TLN2: variants seen among roughly 807,000 people sequenced by gnomAD.
TLN2 encodes talin-2.
In TLN2, 118 loss-of-function variants were observed where a neutral mutation model predicts 294.7. That is an observed-to-expected ratio of 0.40 (90% CI 0.34 to 0.47). TLN2 has a LOEUF of 0.47. Among genes scored for constraint, TLN2 ranks in the 20% least tolerant of loss-of-function variants. The pLI is 0.84. For missense variants in TLN2, 3,083 were observed against 3,282.2 expected (o/e 0.94, Z 1.48); for synonymous variants, 1,431 against 1,304.5 (o/e 1.10, Z -2.09).
intron 45 of TLN2, among the ~76,000 whole-genome samples, chr15:62,787,252 A>C (rs2064738817): frequency 6.6e-6 from 1 of 152,156 alleles, no homozygotes; most frequent in Non-Finnish European, 1.5e-5. Context: ...TGCCTTTTCA[A>C]CTTTCACAAG....
rs140625492 is a variant in TLN2 at position 62,755,655 on chromosome 15, G to A, written c.4600G>A (p.Val1534Ile). 6 of 1,614,142 alleles carry A rather than the reference G, an allele frequency of 3.7e-6. No individual in the cohort carries two copies. The African/African-American group carries it at 8.0e-5, about 22-fold the overall frequency. The stretch of plus-strand genomic sequence containing the variant: ...GCACTTCGTCCAGTCAGCCAAGGAA[G>A]TCGCCAACAGCACTGCCAACCTGGT... ...KRHFVQSAKE[V>I]ANSTANLVKT... The change falls in exon 37 of 59, where the codon GTC (valine) becomes ATC (isoleucine). Residue 1534 changes from valine (V) to isoleucine (I), a missense_variant. Coordinates refer to ENST00000636159, the MANE Select transcript of TLN2 (RefSeq NM_015059.3).
intron 1 of TLN2, among the ~76,000 whole-genome samples, chr15:62,535,236 G>C (rs1440053662): frequency 6.6e-6 from 1 of 152,060 alleles, no homozygotes; most frequent in Non-Finnish European, 1.5e-5. Flanking sequence ...GAGTCATCTG[G>C]CACTCAAGTG....
intron 50 of TLN2, among the ~76,000 whole-genome samples, chr15:62,804,055 G>A (rs983385440): frequency 3.3e-5 from 5 of 152,220 alleles, no homozygotes; most frequent in Middle Eastern, 3.4e-3. Flanking sequence ...CCATCTTGAT[G>A]GTCTTGGATA....
At chr15:62,760,035 A>G (rs760426623) in intron 37 of TLN2, among the ~76,000 whole-genome samples, 11 of 152,202 alleles carry the variant, frequency 7.2e-5, no homozygotes, top group Non-Finnish European at 1.0e-4. Flanking sequence ...AGCATAAATC[A>G]ACATTTACCA....
intron 1 of TLN2, among the ~76,000 whole-genome samples, chr15:62,433,025 G>T (rs2035094175): frequency 6.6e-6 from 1 of 152,148 alleles, no homozygotes; most frequent in Non-Finnish European, 1.5e-5. Context: ...TTTAAGATAG[G>T]TATGTTGACA....
chr15:62,808,888 G>A (rs1046584516), intron 51 of TLN2, among the ~76,000 whole-genome samples: 21 of 152,328 alleles, frequency 1.4e-4, no homozygotes, highest in African/African-American at 4.6e-4. Context: ...AGGGACTGGG[G>A]GTAAGTCAAG....
intron 1 of TLN2, among the ~76,000 whole-genome samples, chr15:62,560,490 C>T (rs961069148): frequency 6.6e-6 from 1 of 152,170 alleles, no homozygotes; most frequent in Non-Finnish European, 1.5e-5. Flanking sequence ...CCATGCCCAG[C>T]TAATTTTTGT....
At chr15:62,836,266 G>A (rs747598127) in intron 57 of TLN2, 193 bp downstream of exon 57, 50 of 844,890 alleles carry the variant, frequency 5.9e-5, no homozygotes, top group African/African-American at 8.5e-5. Context: ...CATTCTCCTC[G>A]TGTGCCTTCT....
chr15:62,617,912 G>T (rs2140845720), intron 2 of TLN2, among the ~76,000 whole-genome samples: 1 of 151,850 alleles, frequency 6.6e-6, no homozygotes, highest in South Asian at 2.1e-4. Flanking sequence ...AAAGAAAGAA[G>T]ACTCTTGAAG....
rs2065853334 is a variant in TLN2 at position 62,800,411 on chromosome 15, C to T, written c.6278C>T (p.Ser2093Phe). The change falls in exon 49 of 59, where the codon TCT (serine) becomes TTT (phenylalanine). Residue 2093 changes from serine to phenylalanine, a missense_variant. Physicochemically the swap from Ser to Phe is radical, Grantham distance 155 (BLOSUM62 -2). Transcript: ENST00000636159. Reference sequence around the variant, plus strand: ...ATCAAAGATGTGGCCAAGGCCCTTTCTGATCTCATCAGTGCTACCAAGGGA... The same window carrying T: ...ATCAAAGATGTGGCCAAGGCCCTTTTTGATCTCATCAGTGCTACCAAGGGA... ...NAIKDVAKALSDLISATKGAA... is the reference protein window; with the variant it reads ...NAIKDVAKALFDLISATKGAA... 6.2e-6 allele frequency: 10 copies of T among 1,614,100 alleles called. No individual in the cohort carries two copies. Among genetic ancestry groups the T allele is most frequent in the African/African-American group, 1.3e-5 (1 of 74,942 alleles).
intron 1 of TLN2, among the ~76,000 whole-genome samples, chr15:62,529,836 G>A (rs189165059): frequency 5.3e-5 from 8 of 152,322 alleles, no homozygotes; most frequent in Admixed American, 3.3e-4. Context: ...CTATCATATG[G>A]ATGCACTGTA....
At chr15:62,564,776 G>A (rs1243695959) in intron 1 of TLN2, among the ~76,000 whole-genome samples, 1 of 151,470 alleles carries the variant, frequency 6.6e-6, no homozygotes, top group Non-Finnish European at 1.5e-5. Flanking sequence ...GCATGGTGTC[G>A]GGCGCCTGTA....
intron 48 of TLN2, among the ~76,000 whole-genome samples, chr15:62,800,106 G>A (rs2065823068): frequency 6.6e-6 from 1 of 152,314 alleles, no homozygotes; most frequent in East Asian, 1.9e-4. Flanking sequence ...TGCTGGCTAG[G>A]AGGTTTTACA....
At chr15:62,462,733 C>T (rs753082992) in intron 1 of TLN2, among the ~76,000 whole-genome samples, 56 of 152,256 alleles carry the variant, frequency 3.7e-4, no homozygotes, top group African/African-American at 1.2e-3. Context: ...GCTTCCCTTC[C>T]GGAACCAGAA....
rs141425696 is a variant in TLN2, at chr15:62,622,384, G to A, written c.-37+3909G>A. On this transcript the variant is annotated intron_variant, in intron 3 of 58. Coordinates refer to ENST00000636159, the MANE Select transcript of TLN2 (RefSeq NM_015059.3). Reference sequence around the variant, plus strand: ...CTTTCAGCCATGTAATTGCAAATTTGGAGGGACTCCTGTTCCAGACAAGTG... The same window carrying A: ...CTTTCAGCCATGTAATTGCAAATTTAGAGGGACTCCTGTTCCAGACAAGTG... Among the ~76,000 whole-genome samples, 107 of 152,234 alleles carry A rather than the reference G, an allele frequency of 7.0e-4. 3 individuals carry two copies. The East Asian group carries it at 0.019, about 27-fold the overall frequency.
At chr15:62,639,940 C>T (rs1455050753) in intron 3 of TLN2, among the ~76,000 whole-genome samples, 1 of 152,212 alleles carries the variant, frequency 6.6e-6, no homozygotes, top group Non-Finnish European at 1.5e-5. Flanking sequence ...AGATAGCTGG[C>T]TCCCAGTGAA....
intron 1 of TLN2, among the ~76,000 whole-genome samples, chr15:62,454,152 C>T (rs1451115883): frequency 6.6e-6 from 1 of 152,178 alleles, no homozygotes; most frequent in Non-Finnish European, 1.5e-5. Flanking sequence ...CTCATTTTGG[C>T]CTTTTTCTTC....
In TLN2 at chr15:62,441,035, C is replaced by T. The variant is rs7163572; in HGVS notation, c.-238+50350C>T. 1.6e-3 allele frequency among the ~76,000 whole-genome samples: 240 copies of T among 152,274 alleles called. 1 individual carries two copies. Among genetic ancestry groups the T allele is most frequent in the African/African-American group, 5.5e-3 (230 of 41,544 alleles). On this transcript the variant is annotated intron_variant, in intron 1 of 58. Transcript: ENST00000636159. ...TGCTTTATCCATCTCCTGCTCACTT[C>T]ACATTCATGCTCTGGGACAGCGTTT...
chr15:62,836,113 G>C, intron 57 of TLN2, 40 bp downstream of exon 57: 1 of 1,564,742 alleles, frequency 6.4e-7, no homozygotes, highest in South Asian at 1.2e-5. Flanking sequence ...ACTCCTGTTG[G>C]AGCGGGTAAG....
Sources: gnomAD v4.1 joint callset for allele counts (sites outside exome capture counted in the v4.1 genomes callset) on GRCh38, gnomAD v4.1.1 for gene constraint, MANE v1.5 for transcripts, NCBI Gene and HGNC (gene_info 2026-07-23, HGNC 2026-07-21) for gene names.